Variants in CACNA2D3 observed in about 807,000 individuals in gnomAD.
CACNA2D3 encodes the protein voltage-dependent calcium channel subunit alpha-2/delta-3.
In CACNA2D3, 60 loss-of-function variants were observed where a neutral mutation model predicts 160.6. That is an observed-to-expected ratio of 0.37 (90% CI 0.30 to 0.46). The LOEUF is 0.46. Ranked by LOEUF, CACNA2D3 falls within the 20% of genes least tolerant of loss-of-function variation. The pLI is 1.00. For synonymous variants in CACNA2D3, 558 were observed against 492.9 expected (o/e 1.13, Z -1.75); for missense variants, 1,205 against 1,365.0 (o/e 0.88, Z 1.85).
chr3:54,294,256 G>A (rs950057575), intron 2 of CACNA2D3, among the ~76,000 whole-genome samples: 22 of 152,176 alleles, frequency 1.4e-4, no homozygotes, highest in African/African-American at 5.3e-4. Context: ...GGGCCCATTT[G>A]CACTTGGTCT....
At chr3:54,598,172 G>A (rs1702992265) in intron 9 of CACNA2D3, among the ~76,000 whole-genome samples, 1 of 151,022 alleles carries the variant, frequency 6.6e-6, no homozygotes, top group Non-Finnish European at 1.5e-5. Context: ...GCCGGGCATG[G>A]CGATGTGTGT....
intron 3 of CACNA2D3, among the ~76,000 whole-genome samples, chr3:54,370,384 A>T (rs1698903935): frequency 6.6e-6 from 1 of 152,236 alleles, no homozygotes; most frequent in South Asian, 2.1e-4. Context: ...AGTTATTGCA[A>T]ATGACAGTAA....
intron 3 of CACNA2D3, among the ~76,000 whole-genome samples, chr3:54,364,830 G>A (rs1698802071): frequency 6.6e-6 from 1 of 152,182 alleles, no homozygotes; most frequent in Non-Finnish European, 1.5e-5. Context: ...TGACATCAAT[G>A]AATAACCATC....
At chr3:54,927,865 C>T in intron 27 of CACNA2D3, 1 of 1,611,874 alleles carries the variant, frequency 6.2e-7, no homozygotes, top group Non-Finnish European at 8.5e-7. Flanking sequence ...ATCTTTCTCC[C>T]AGACAAGAAC....
At chr3:54,400,728 A>G (rs1575434395) in intron 4 of CACNA2D3, among the ~76,000 whole-genome samples, 1 of 152,054 alleles carries the variant, frequency 6.6e-6, no homozygotes, top group Non-Finnish European at 1.5e-5. Context: ...GCACAGTAAG[A>G]CCCATCTGCA....
At chr3:54,229,010 C>T (rs1402929059) in intron 2 of CACNA2D3, among the ~76,000 whole-genome samples, 2 of 152,176 alleles carry the variant, frequency 1.3e-5, no homozygotes, top group Admixed American at 6.5e-5. Context: ...TTCCTTTGTG[C>T]TGTATGGAAG....
At chr3:54,265,450 G>A (rs537982575) in intron 2 of CACNA2D3, among the ~76,000 whole-genome samples, 1 of 151,740 alleles carries the variant, frequency 6.6e-6, no homozygotes, top group South Asian at 2.1e-4. Flanking sequence ...CGGGTTGATG[G>A]GTGCAGCAAA....
Position 54,221,493 on chromosome 3 carries a change from A to G in CACNA2D3, c.204+97899A>G, listed in dbSNP as rs548923101. ...ACAAGAACCATTTGCGGTTGTTCCAAATGTGAACATTACATCTCTAAGAGA... is the reference window on the plus strand; with the variant it reads ...ACAAGAACCATTTGCGGTTGTTCCAGATGTGAACATTACATCTCTAAGAGA... On this transcript the variant is annotated intron_variant, in intron 2 of 37. Coordinates refer to ENST00000474759, the MANE Select transcript of CACNA2D3 (RefSeq NM_018398.3). Among the ~76,000 whole-genome samples, 44 of 152,370 alleles carry G rather than the reference A, an allele frequency of 2.9e-4. 2 individuals are homozygous for G. In the Middle Eastern group the frequency reaches 0.02, roughly 71 times the overall value.
At chr3:54,489,635 G>T (rs1459893114) in intron 4 of CACNA2D3, among the ~76,000 whole-genome samples, 2 of 152,214 alleles carry the variant, frequency 1.3e-5, no homozygotes, top group African/African-American at 4.8e-5. Flanking sequence ...CAGAGCTGGG[G>T]TTGGAACTCA....
intron 4 of CACNA2D3, among the ~76,000 whole-genome samples, chr3:54,488,099 G>A (rs370720668): frequency 7.7e-4 from 118 of 152,308 alleles, no homozygotes; most frequent in African/African-American, 2.8e-3. Flanking sequence ...TTCTGAAATG[G>A]TAATGAGCTT....
At chr3:54,687,588 A>G (rs912500909) in intron 11 of CACNA2D3, among the ~76,000 whole-genome samples, 1 of 152,172 alleles carries the variant, frequency 6.6e-6, no homozygotes, top group African/African-American at 2.4e-5. Context: ...GAAATAGACT[A>G]TCTAAACCAA....
At chr3:54,589,780 C>A (rs980247275) in intron 9 of CACNA2D3, among the ~76,000 whole-genome samples, 2 of 151,860 alleles carry the variant, frequency 1.3e-5, no homozygotes, top group African/African-American at 4.8e-5. Context: ...ATACAGATGG[C>A]AAGAAAGTAC....
At chr3:54,587,066 C>A (rs1179241413) in intron 9 of CACNA2D3, among the ~76,000 whole-genome samples, 1 of 151,842 alleles carries the variant, frequency 6.6e-6, no homozygotes, top group African/African-American at 2.4e-5. Flanking sequence ...TATTTAAGTT[C>A]TCTAATAATT....
intron 35 of CACNA2D3, among the ~76,000 whole-genome samples, chr3:55,033,414 C>G (rs970672984): frequency 3.3e-5 from 5 of 151,822 alleles, no homozygotes; most frequent in Non-Finnish European, 7.4e-5. Flanking sequence ...TTTCCAAGCC[C>G]TGGTGTGTCC....
At chr3:54,475,597 A>G (rs1382374714) in intron 4 of CACNA2D3, among the ~76,000 whole-genome samples, 1 of 152,154 alleles carries the variant, frequency 6.6e-6, no homozygotes, top group African/African-American at 2.4e-5. Context: ...CCCCAAGATC[A>G]ACTATTAGTC....
At chr3:54,542,806 C>T (rs1306823608) in intron 5 of CACNA2D3, among the ~76,000 whole-genome samples, 1 of 152,078 alleles carries the variant, frequency 6.6e-6, no homozygotes, top group African/African-American at 2.4e-5. Flanking sequence ...CACAGTCACA[C>T]CGAGGAACAA....
At chr3:54,651,864 A>G (rs1699771142) in intron 11 of CACNA2D3, among the ~76,000 whole-genome samples, 1 of 152,190 alleles carries the variant, frequency 6.6e-6, no homozygotes, top group South Asian at 2.1e-4. Context: ...TCTGAGGGCC[A>G]GAGTTCCTGA....
intron 11 of CACNA2D3, among the ~76,000 whole-genome samples, chr3:54,701,169 C>G (rs1182004499): frequency 6.6e-6 from 1 of 152,188 alleles, no homozygotes; most frequent in Non-Finnish European, 1.5e-5. Context: ...CAAGTCATCT[C>G]TAATCCTATA....
rs550384044 is a variant in CACNA2D3, at chr3:54,853,756, G to C, written c.1626+7289G>C. Among the ~76,000 whole-genome samples, 273 of 152,248 alleles carry C rather than the reference G, an allele frequency of 1.8e-3. 2 individuals are homozygous for C. The highest frequency in any genetic ancestry group is 6.1e-3 in the African/African-American group (253 of 41,536). ...GCAGAAGGGCTTCCCAGAGGAGGTG[G>C]GGGAGGACTGCACTCAGCAGATACT... On this transcript the variant is annotated intron_variant, in intron 17 of 37. Coordinates refer to ENST00000474759, the MANE Select transcript of CACNA2D3 (RefSeq NM_018398.3).
Sources: gnomAD v4.1 joint callset for allele counts (sites outside exome capture counted in the v4.1 genomes callset) on GRCh38, gnomAD v4.1.1 for gene constraint, MANE v1.5 for transcripts, NCBI Gene and HGNC (gene_info 2026-07-23, HGNC 2026-07-21) for gene names.